The following KCNMA1 variants were observed in gnomAD, a reference collection of about 807,000 sequenced individuals.
KCNMA1 encodes the protein potassium calcium-activated channel subfamily M alpha 1, also known as Calcium-activated potassium channel subunit alpha-1.
KCNMA1 carries 29 observed loss-of-function variants against 140.0 expected under a neutral mutation model. That is an observed-to-expected ratio of 0.21 (90% CI 0.15 to 0.28). KCNMA1 has a LOEUF of 0.28. KCNMA1 is among the 10% of genes least tolerant of loss of function. The pLI is 1.00. For synonymous variants in KCNMA1, 612 were observed against 611.9 expected, an observed-to-expected ratio of 1.00 and a Z score of 0.00; for missense variants, 880 against 1,602.2, an observed-to-expected ratio of 0.55 and a Z score of 7.70.
chr10:77,403,889 G>T lies in KCNMA1; in HGVS notation c.513C>A (p.Ser171=). 1.2e-6 allele frequency: 2 copies of T among 1,614,018 alleles called. No homozygotes were observed. The highest frequency in any genetic ancestry group is 1.7e-6 in the Non-Finnish European group (2 of 1,180,026). ...GGACTCTGCCAGTCAGTGTCTGGGC[G>T]GATATCATCACCCCCGCCCAGTCCT... ...SVKDWAGVMI[S]AQTLTGRVLV... The change falls in exon 2 of 28, where the codon TCC becomes TCA. Residue 171 remains serine, a synonymous_variant. Coordinates refer to ENST00000286628, the MANE Select transcript of KCNMA1 (RefSeq NM_001161352.2).
At chr10:77,495,659 C>T (rs1234463947) in intron 1 of KCNMA1, among the ~76,000 whole-genome samples, 3 of 152,238 alleles carry the variant, frequency 2.0e-5, no homozygotes, top group Admixed American at 2.0e-4. Context: ...GAGCCCATTG[C>T]CAAAGCTTCC....
At chr10:77,481,271 T>C (rs2098391829) in intron 1 of KCNMA1, among the ~76,000 whole-genome samples, 1 of 151,966 alleles carries the variant, frequency 6.6e-6, no homozygotes, top group Non-Finnish European at 1.5e-5. Flanking sequence ...AACTGAAAAA[T>C]GGACCCAACA....
intron 5 of KCNMA1, among the ~76,000 whole-genome samples, chr10:77,133,551 T>C (rs1023679884): frequency 5.9e-5 from 9 of 151,410 alleles, no homozygotes; most frequent in African/African-American, 1.9e-4. Flanking sequence ...ATATAAACAT[T>C]ATATTAAAAA....
chr10:77,627,863 C>T (rs1417105179), intron 1 of KCNMA1, among the ~76,000 whole-genome samples: 6 of 152,206 alleles, frequency 3.9e-5, no homozygotes, highest in Non-Finnish European at 7.3e-5. Context: ...GGGGAGGAAT[C>T]GCACAGGGCC....
chr10:77,622,984 C>T (rs954753301), intron 1 of KCNMA1, among the ~76,000 whole-genome samples: 9 of 152,182 alleles, frequency 5.9e-5, no homozygotes, highest in South Asian at 4.1e-4. Flanking sequence ...TAAAAAGGAA[C>T]ATGGGTGAAC....
intron 14 of KCNMA1, among the ~76,000 whole-genome samples, chr10:77,053,209 T>C (rs2095432590): frequency 6.6e-6 from 1 of 152,180 alleles, no homozygotes; most frequent in South Asian, 2.1e-4. Context: ...AAGTCAATAA[T>C]ACATGTCTAT....
chr10:77,105,486 TGAC>T (rs2097182209), intron 9 of KCNMA1, among the ~76,000 whole-genome samples: 2 of 152,352 alleles, frequency 1.3e-5, no homozygotes, highest in South Asian at 4.1e-4. Flanking sequence ...TTGAGTTCTC[TGAC>T]AAGTTAATAT....
At chr10:77,126,795 TG>T (rs373078743) in intron 5 of KCNMA1, among the ~76,000 whole-genome samples, 108 of 141,950 alleles carry the variant, frequency 7.6e-4, no homozygotes, top group African/African-American at 2.8e-3. Flanking sequence ...TGCCTCAATT[TG>T]GGATACTTTT....
At chr10:77,112,463 A>G in intron 6 of KCNMA1, 21 bp from the exon 7 acceptor site, 1 of 1,599,202 alleles carries the variant, frequency 6.3e-7, no homozygotes. Flanking sequence ...GACAACAAGC[A>G]AAATCCCCAC....
chr10:77,262,947 C>T (rs1413615868), intron 2 of KCNMA1, among the ~76,000 whole-genome samples: 3 of 152,082 alleles, frequency 2.0e-5, no homozygotes, highest in African/African-American at 7.2e-5. Flanking sequence ...TACTAAAAGC[C>T]ACTGAATTGT....
chr10:76,939,763 TG>T (rs1259248206), intron 23 of KCNMA1: 10 of 152,214 alleles, frequency 6.6e-5, no homozygotes, highest in African/African-American at 2.2e-4. Flanking sequence ...GGAAATGCCA[TG>T]GCATGCTCCC....
At chr10:77,424,005 G>A (rs116270181) in intron 1 of KCNMA1, among the ~76,000 whole-genome samples, 4,285 of 152,292 alleles carry the variant, frequency 0.028, 84 homozygotes, top group African/African-American at 0.064. Flanking sequence ...GCAGAGGTGA[G>A]AATTCAGCTT....
At chr10:77,438,525 T>G (rs1415353445) in intron 1 of KCNMA1, among the ~76,000 whole-genome samples, 2 of 150,036 alleles carry the variant, frequency 1.3e-5, no homozygotes, top group Non-Finnish European at 3.0e-5. Flanking sequence ...ATTGTGTCAT[T>G]GCACTCCAGC....
intron 2 of KCNMA1, among the ~76,000 whole-genome samples, chr10:77,297,660 C>T (rs2075527909): frequency 6.6e-6 from 1 of 152,136 alleles, no homozygotes; most frequent in African/African-American, 2.4e-5. Flanking sequence ...ATTAATGTGA[C>T]TACTCCCCAA....
intron 9 of KCNMA1, among the ~76,000 whole-genome samples, chr10:77,102,981 A>C (rs1225002154): frequency 6.6e-6 from 1 of 152,116 alleles, no homozygotes; most frequent in Non-Finnish European, 1.5e-5. Context: ...CCTGATGCAT[A>C]ACACAGAGAA....
chr10:77,537,129 C>T (rs1226436584), intron 1 of KCNMA1, among the ~76,000 whole-genome samples: 3 of 152,174 alleles, frequency 2.0e-5, no homozygotes, highest in Non-Finnish European at 4.4e-5. Context: ...AGGGGGAGTA[C>T]ATAGAGCCCC....
At chr10:77,461,473 A>G (rs1345654676) in intron 1 of KCNMA1, among the ~76,000 whole-genome samples, 4 of 152,232 alleles carry the variant, frequency 2.6e-5, no homozygotes, top group Non-Finnish European at 5.9e-5. Context: ...TCACACAGTG[A>G]CGGCAGAGTC....
At chr10:77,164,911 T>C (rs1454168439) in intron 5 of KCNMA1, among the ~76,000 whole-genome samples, 1 of 152,164 alleles carries the variant, frequency 6.6e-6, no homozygotes, top group Non-Finnish European at 1.5e-5. Context: ...CCTCTTTCAG[T>C]TTCTTCCCAT....
rs569353479 is a variant in KCNMA1 at position 77,443,072 on chromosome 10, G to C, written c.379-39049C>G. On this transcript the variant is annotated intron_variant, in intron 1 of 27. Transcript: ENST00000286628. ...TACCATGGTGACACCCACGATCCAGGGTGGCTGGGTACACACACATAGACA... is the reference window on the plus strand; with the variant it reads ...TACCATGGTGACACCCACGATCCAGCGTGGCTGGGTACACACACATAGACA... 4.5e-4 allele frequency among the ~76,000 whole-genome samples: 69 copies of C among 152,308 alleles called. 1 individual carries two copies. Among genetic ancestry groups the C allele is most frequent in the Non-Finnish European group, 8.5e-4 (58 of 68,024 alleles).
Sources: allele counts gnomAD v4.1 joint callset (sites outside exome capture counted in the v4.1 genomes callset), GRCh38; gene constraint gnomAD v4.1.1; transcripts MANE v1.5; gene names NCBI Gene and HGNC (gene_info 2026-07-23, HGNC 2026-07-21).